SP4: variants seen among roughly 807,000 people sequenced by gnomAD.
SP4 encodes Sp4 transcription factor.
Under a neutral mutation model 72.8 loss-of-function variants are expected in SP4, and 19 were observed. The observed-to-expected ratio is 0.26, with a 90% CI of 0.18 to 0.38. The LOEUF is 0.38. SP4 is among the 10% of genes least tolerant of loss of function. SP4 has a pLI of 1.00. For missense variants in SP4, 1,008 were observed against 926.3 expected (o/e 1.09, Z -1.14); for synonymous variants, 395 against 333.1 (o/e 1.19, Z -2.02).
intron 4 of SP4, among the ~76,000 whole-genome samples, chr7:21,478,152 CATA>C (rs1261714663): frequency 1.3e-5 from 2 of 152,268 alleles, no homozygotes; most frequent in East Asian, 3.9e-4. Context: ...TTTCTTTTAG[CATA>C]ATGTTTTCAA....
intron 3 of SP4, among the ~76,000 whole-genome samples, chr7:21,475,815 A>C (rs1022272813): frequency 3.3e-5 from 5 of 152,162 alleles, no homozygotes; most frequent in African/African-American, 1.2e-4. Context: ...CCGTGCCAGC[A>C]CTCTGGTAGA....
At chr7:21,495,927 GAATTATTAATA>G (rs1251936818) in intron 5 of SP4, among the ~76,000 whole-genome samples, 2 of 152,108 alleles carry the variant, frequency 1.3e-5, no homozygotes, top group African/African-American at 2.4e-5. Flanking sequence ...ATAAAGGAAT[GAATTATTAATA>G]AACAGCCACA....
chr7:21,490,558 C>A (rs1003215221), intron 5 of SP4, among the ~76,000 whole-genome samples: 1 of 152,148 alleles, frequency 6.6e-6, no homozygotes, highest in Non-Finnish European at 1.5e-5. Context: ...TTATGGGAGC[C>A]CCCAGTAACT....
At chr7:21,468,280 A>G (rs551208314) in intron 3 of SP4, among the ~76,000 whole-genome samples, 34 of 152,242 alleles carry the variant, frequency 2.2e-4, no homozygotes, top group African/African-American at 7.5e-4. Context: ...TCACATGTCA[A>G]ATTAGCAGAC....
At chr7:21,436,720 A>G (rs1414088147) in intron 3 of SP4, among the ~76,000 whole-genome samples, 1 of 152,202 alleles carries the variant, frequency 6.6e-6, no homozygotes, top group African/African-American at 2.4e-5. Context: ...TCATTTTGCT[A>G]CCTAGTGAAG....
At chr7:21,483,207 A>G (rs1290649764) in intron 5 of SP4, among the ~76,000 whole-genome samples, 4 of 151,870 alleles carry the variant, frequency 2.6e-5, no homozygotes. Context: ...CACCTTTCAT[A>G]TGTATATTAG....
chr7:21,472,349 A>G (rs544446035), intron 3 of SP4, among the ~76,000 whole-genome samples: 16 of 152,190 alleles, frequency 1.1e-4, no homozygotes, highest in Admixed American at 3.3e-4. Context: ...CAGTGGTGCC[A>G]TCACGGCTCA....
Position 21,478,924 on chromosome 7 carries a change from C to CA in SP4, c.1907+1619dup, listed in dbSNP as rs574129911. On this transcript the variant is annotated intron_variant, in intron 4 of 5. Coordinates refer to ENST00000222584, the MANE Select transcript of SP4 (RefSeq NM_003112.5). ...GTCTCACTGAAAATACAAAATTAGC[C>CA]AAGCATGGTAGCGCATGCTTGTAAT... Among the ~76,000 whole-genome samples the CA allele has an allele frequency of 3.4e-3, 513 of 152,052 alleles. 8 individuals are homozygous for CA. The highest frequency in any genetic ancestry group is 0.027 in the South Asian group (131 of 4,818).
intron 3 of SP4, among the ~76,000 whole-genome samples, chr7:21,446,823 C>CTTTTTT (rs34433968): frequency 6.7e-6 from 1 of 148,400 alleles, no homozygotes; most frequent in African/African-American, 2.5e-5. Context: ...TTGACAAATT[C>CTTTTTT]TTTTTTTTTT....
intron 3 of SP4, among the ~76,000 whole-genome samples, chr7:21,466,092 CCT>C (rs1784160195): frequency 6.6e-6 from 1 of 152,116 alleles, no homozygotes. Flanking sequence ...AAATCACTGT[CCT>C]CTCTGTTAAG....
At chr7:21,460,667 C>T (rs555968666) in intron 3 of SP4, among the ~76,000 whole-genome samples, 20 of 152,118 alleles carry the variant, frequency 1.3e-4, no homozygotes, top group Non-Finnish European at 1.9e-4. Context: ...TTTTACAGAG[C>T]GCTGATTGGT....
chr7:21,430,320 T>G lies in SP4; in HGVS notation c.1155T>G (p.Asn385Lys). ...AGCTTCAGCCTAATGGAATGCAGAA[T>G]GCACAGGATCAATCAAATTCTCTTC... ...SSQLQPNGMQNAQDQSNSLQQ... is the reference protein window; with the variant it reads ...SSQLQPNGMQKAQDQSNSLQQ... Residue 385 changes from asparagine (N) to lysine (K), a missense_variant, in exon 3 of 6, where the codon AAT (asparagine) becomes AAG (lysine). Physicochemically the swap from Asn to Lys is moderately conservative, Grantham distance 94. Transcript: ENST00000222584. The G allele has an allele frequency of 6.2e-7, 1 of 1,614,236 alleles. No homozygotes were observed. Among genetic ancestry groups the G allele is most frequent in the South Asian group, 1.1e-5 (1 of 91,088 alleles).
At chr7:21,447,489 A>G (rs1783464833) in intron 3 of SP4, among the ~76,000 whole-genome samples, 1 of 152,218 alleles carries the variant, frequency 6.6e-6, no homozygotes, top group Non-Finnish European at 1.5e-5. Context: ...AAAGGAGACA[A>G]CTTTCTAATA....
chr7:21,470,577 A>G (rs918284434), intron 3 of SP4, among the ~76,000 whole-genome samples: 2 of 152,162 alleles, frequency 1.3e-5, no homozygotes, highest in Non-Finnish European at 2.9e-5. Context: ...CTTAAATTCA[A>G]GTCGTCTCAA....
intron 5 of SP4, among the ~76,000 whole-genome samples, chr7:21,502,568 C>A (rs1011867123): frequency 6.6e-6 from 1 of 152,130 alleles, no homozygotes; most frequent in Non-Finnish European, 1.5e-5. Context: ...CCACCCATGC[C>A]TGAGGTCCTC....
chr7:21,432,688 G>A (rs1782905177), intron 3 of SP4, among the ~76,000 whole-genome samples: 1 of 152,164 alleles, frequency 6.6e-6, no homozygotes, highest in Non-Finnish European at 1.5e-5. Context: ...AAACTTTCCA[G>A]GTGATTGTAA....
At chr7:21,492,228 T>C (rs1403440639) in intron 5 of SP4, among the ~76,000 whole-genome samples, 1 of 152,202 alleles carries the variant, frequency 6.6e-6, no homozygotes, top group African/African-American at 2.4e-5. Flanking sequence ...TTTTGAAAAG[T>C]TAGATATATA....
At chr7:21,460,217 G>T (rs565881511) in intron 3 of SP4, among the ~76,000 whole-genome samples, 119 of 152,318 alleles carry the variant, frequency 7.8e-4, no homozygotes, top group African/African-American at 2.8e-3. Flanking sequence ...TGCGGTGAGT[G>T]TTAACAGTTC....
At chr7:21,506,087 T>C (rs983175727) in intron 5 of SP4, among the ~76,000 whole-genome samples, 11 of 152,214 alleles carry the variant, frequency 7.2e-5, no homozygotes, top group Non-Finnish European at 1.5e-4. Context: ...AGGAGGTTAG[T>C]TCCTACTTCA....
Sources: allele counts gnomAD v4.1 joint callset (sites outside exome capture counted in the v4.1 genomes callset), GRCh38; gene constraint gnomAD v4.1.1; transcripts MANE v1.5; gene names NCBI Gene and HGNC (gene_info 2026-07-23, HGNC 2026-07-21).